The following CLDN2 variants were observed in gnomAD, a reference collection of about 807,000 sequenced individuals.
The protein encoded by CLDN2 is claudin 2.
Under a neutral mutation model 8.2 loss-of-function variants are expected in CLDN2, and 1 was observed. That is an observed-to-expected ratio of 0.12 (90% CI 0.04 to 0.58). The LOEUF (loss-of-function observed/expected upper bound fraction) is 0.58. Ranked by LOEUF, CLDN2 falls within the 20% of genes least tolerant of loss-of-function variation. The pLI, the probability that CLDN2 is intolerant of heterozygous loss-of-function variation, is 0.90. For synonymous variants in CLDN2, 70 were observed against 70.2 expected, an observed-to-expected ratio of 1.00 and a Z score of 0.01; for missense variants, 108 against 172.9, an observed-to-expected ratio of 0.62 and a Z score of 2.11.
At chrX:106,921,125 C>G (rs1322855366) in intron 1 of CLDN2, among the ~76,000 whole-genome samples, 1 of 112,620 alleles carries the variant, frequency 8.9e-6, no homozygotes. Context: ...CCAAAACATT[C>G]ACAGCACTTA....
chrX:106,923,791 G>T (rs146553625), intron 1 of CLDN2, among the ~76,000 whole-genome samples: 98 of 111,391 alleles, frequency 8.8e-4, no homozygotes, highest in African/African-American at 3.0e-3. Flanking sequence ...GAAATCTGTG[G>T]CAGAGATATG....
At chrX:106,901,220 G>A (rs997545688) in intron 1 of CLDN2, among the ~76,000 whole-genome samples, 1 of 111,938 alleles carries the variant, frequency 8.9e-6, no homozygotes, top group Non-Finnish European at 1.9e-5. Flanking sequence ...CAGCCCTATG[G>A]CCCCATCTCC....
intron 1 of CLDN2, among the ~76,000 whole-genome samples, chrX:106,925,687 A>T (rs777075415): frequency 4.7e-4 from 53 of 112,520 alleles, no homozygotes; most frequent in Admixed American, 1.0e-3. Context: ...GACAAGTTAG[A>T]AAGCTGTTGC....
intron 1 of CLDN2, among the ~76,000 whole-genome samples, chrX:106,911,136 T>C (rs1442957238): frequency 8.9e-6 from 1 of 111,816 alleles, no homozygotes; most frequent in African/African-American, 3.3e-5. Context: ...GCAGGTGATG[T>C]TGGGTAAGTG....
chrX:106,914,794 C>T (rs951712314), upstream of CLDN2, among the ~76,000 whole-genome samples: 1 of 111,249 alleles, frequency 9.0e-6, no homozygotes, highest in Non-Finnish European at 1.9e-5. Context: ...AATAAAAGCC[C>T]TTTGGAGTCC....
chrX:106,929,042 A>G lies in CLDN2; in HGVS notation c.*121A>G. ...TGTCAGAAGGTGCTGCTGAGGATAG[A>G]CTGACTTTGGCCATTGGATTGAGCA... On this transcript the variant is annotated 3_prime_UTR_variant, in exon 2 of 2. Transcript: ENST00000336803. The G allele has an allele frequency of 1.6e-6, 1 of 611,160 alleles. No homozygotes were observed. The highest frequency in any genetic ancestry group is 2.5e-6 in the Non-Finnish European group (1 of 392,315). The allele number at this position is 611,160 out of a possible 1,213,427, so 50.4% of individuals were successfully genotyped here.
intron 1 of CLDN2, among the ~76,000 whole-genome samples, chrX:106,926,130 G>GT (rs1221617486): frequency 5.3e-5 from 6 of 112,331 alleles, no homozygotes; most frequent in African/African-American, 1.9e-4. Flanking sequence ...GATGCAGGAG[G>GT]TAAGTAGAAG....
intron 1 of CLDN2, among the ~76,000 whole-genome samples, chrX:106,926,892 C>A (rs1933475343): frequency 1.7e-4 from 1 of 5,789 alleles, no homozygotes; most frequent in Non-Finnish European, 2.5e-4. Flanking sequence ...GCAGGAGGAT[C>A]ACACACACAC....
chrX:106,924,960 C>T (rs1933447127), intron 1 of CLDN2, among the ~76,000 whole-genome samples: 1 of 110,125 alleles, frequency 9.1e-6, no homozygotes, highest in Non-Finnish European at 1.9e-5. Flanking sequence ...ATTAAGAAGA[C>T]AGTTTTTGAA....
intron 1 of CLDN2, among the ~76,000 whole-genome samples, chrX:106,903,756 G>A (rs1050535798): frequency 7.2e-5 from 8 of 111,636 alleles, no homozygotes; most frequent in South Asian, 3.8e-4. Context: ...GAGAGTGAGG[G>A]ACTCACTTGT....
upstream of CLDN2, among the ~76,000 whole-genome samples, chrX:106,916,123 G>A (rs917903501): frequency 3.6e-5 from 4 of 110,060 alleles, no homozygotes; most frequent in African/African-American, 1.3e-4. Context: ...CTATGCAGGA[G>A]TAGCAACAAC....
chrX:106,913,279 C>T (rs1933268844), intron 1 of CLDN2, among the ~76,000 whole-genome samples: 1 of 111,139 alleles, frequency 9.0e-6, no homozygotes, highest in Admixed American at 9.5e-5. Context: ...ATTTTTTCTA[C>T]AGACAGTGTT....
At chrX:106,909,371 G>A (rs1417904933) in intron 1 of CLDN2, among the ~76,000 whole-genome samples, 1 of 111,465 alleles carries the variant, frequency 9.0e-6, no homozygotes, top group Admixed American at 9.5e-5. Context: ...TGCCACTGGG[G>A]AGCAGTGGGG....
intron 1 of CLDN2, among the ~76,000 whole-genome samples, chrX:106,910,071 T>C (rs948774208): frequency 9.0e-6 from 1 of 110,928 alleles, no homozygotes; most frequent in African/African-American, 3.3e-5. Flanking sequence ...AGCCTTTTCA[T>C]CCTCTCTTCT....
intron 1 of CLDN2, chrX:106,903,200 C>A: frequency 8.3e-7 from 1 of 1,210,866 alleles, no homozygotes; most frequent in Non-Finnish European, 1.1e-6. Context: ...CCAGGGAGTG[C>A]CAGTGGGGCT....
rs1933509164 is a variant in CLDN2, at chrX:106,928,979, C to T, written c.*58C>T. 4.0e-6 allele frequency: 4 copies of T among 992,566 alleles called. No homozygotes were observed. Among genetic ancestry groups the T allele is most frequent in the Middle Eastern group, 2.6e-4 (1 of 3,795 alleles). The allele number at this position is 992,566 out of a possible 1,213,427, so 81.8% of individuals were successfully genotyped here. On this transcript the variant is annotated 3_prime_UTR_variant, in exon 2 of 2. Coordinates refer to ENST00000336803, the MANE Select transcript of CLDN2 (RefSeq NM_020384.4). ...GTCTGTGAAAAACAGTGGACAGCACCCCGAGGGCCACAGGTGAGGGACACT... is the reference window on the plus strand; with the variant it reads ...GTCTGTGAAAAACAGTGGACAGCACTCCGAGGGCCACAGGTGAGGGACACT...
upstream of CLDN2, among the ~76,000 whole-genome samples, chrX:106,915,292 G>A (rs1488142600): frequency 1.8e-5 from 2 of 112,136 alleles, no homozygotes; most frequent in East Asian, 2.8e-4. Flanking sequence ...AAATAAGAAT[G>A]TAAAGTGGTC....
chrX:106,922,245 A>AC (rs1057236091), intron 1 of CLDN2, among the ~76,000 whole-genome samples: 10 of 111,873 alleles, frequency 8.9e-5, no homozygotes, highest in East Asian at 2.8e-4. Context: ...GGAAAGCTGA[A>AC]CCCCCCCTCC....
At chrX:106,916,234 G>A (rs1004564905), upstream of CLDN2, among the ~76,000 whole-genome samples, 8 of 110,861 alleles carry the variant, frequency 7.2e-5, no homozygotes, top group Non-Finnish European at 3.8e-5. Context: ...GGAAGCAACC[G>A]TTAAGCTGAG....
Sources: allele counts gnomAD v4.1 joint callset (sites outside exome capture counted in the v4.1 genomes callset), GRCh38; gene constraint gnomAD v4.1.1; transcripts MANE v1.5; gene names NCBI Gene and HGNC (gene_info 2026-07-23, HGNC 2026-07-21).